Variants in NWD1 observed in about 807,000 individuals in gnomAD.
NWD1 encodes the protein NACHT and WD repeat domain containing 1, also known as NACHT domain- and WD repeat-containing protein 1.
Under a neutral mutation model 135.1 loss-of-function variants are expected in NWD1, and 129 were observed. The observed-to-expected ratio is 0.96, with a 90% CI of 0.83 to 1.11. The LOEUF is 1.11. Ranked by LOEUF, NWD1 falls within the 50% of genes least tolerant of loss-of-function variation. The pLI is 0.00. For synonymous variants in NWD1, 773 were observed against 786.0 expected (o/e 0.98, Z 0.28); for missense variants, 1,740 against 1,851.3 (o/e 0.94, Z 1.10).
At chr19:16,796,901 G>C (rs966868943) in intron 15 of NWD1, among the ~76,000 whole-genome samples, 8 of 152,202 alleles carry the variant, frequency 5.3e-5, no homozygotes, top group African/African-American at 1.7e-4. Context: ...ATTACTGGCT[G>C]GGTACGGTGG....
At chr19:16,761,180 G>T (rs1968996338) in intron 7 of NWD1, among the ~76,000 whole-genome samples, 1 of 152,128 alleles carries the variant, frequency 6.6e-6, no homozygotes, top group Non-Finnish European at 1.5e-5. Context: ...CCACATTGTA[G>T]CAGGGATCAG....
chr19:16,800,470 G>T lies in NWD1; in HGVS notation c.3736+308G>T, dbSNP rs1184298361. On this transcript the variant is annotated intron_variant, in intron 17 of 18. Transcript: ENST00000524140. ...TGTTTGAACCTGGGAGGCGAAGACT[G>T]CAGTGAGCCGGGATCCTGACTCTGC... Among the ~76,000 whole-genome samples, 3 of 152,160 alleles carry T rather than the reference G, an allele frequency of 2.0e-5. No individual in the cohort carries two copies. In the South Asian group the frequency reaches 6.2e-4, roughly 31 times the overall value.
In NWD1 at chr19:16,750,170, G is replaced by A; in HGVS notation, c.1528G>A (p.Ala510Thr). ...GQQMIQLLLA[A>T]ARRTLSPVHT... ...GCAGATGATCCAACTCCTGCTGGCA[G>A]CTGCAAGGAGGACGCTGAGCCCGGT... is the stretch of plus-strand genomic sequence containing the variant. The change falls in exon 6 of 19, where the codon GCT becomes ACT. Residue 510 changes from alanine to threonine, a missense_variant. By Grantham distance (58) the Ala-to-Thr change is moderately conservative (BLOSUM62 0). Transcript: ENST00000524140. 6.2e-7 allele frequency: 1 copy of A among 1,613,660 alleles called. No individual in the cohort carries two copies. The highest frequency in any genetic ancestry group is 1.1e-5 in the South Asian group (1 of 91,046).
At chr19:16,799,384 T>C (rs762791656) in intron 16 of NWD1, among the ~76,000 whole-genome samples, 12 of 151,808 alleles carry the variant, frequency 7.9e-5, no homozygotes, top group Non-Finnish European at 1.0e-4. Flanking sequence ...TTAGTAGAGA[T>C]GGGGTTTCAC....
chr19:16,767,982 C>CTTTTT (rs963453075), intron 10 of NWD1, among the ~76,000 whole-genome samples: 75 of 83,608 alleles, frequency 9.0e-4, no homozygotes, highest in Non-Finnish European at 9.8e-4. Flanking sequence ...AATTTCCTTC[C>CTTTTT]TTTTTTTTTT....
chr19:16,775,172 C>T (rs878919294), intron 11 of NWD1, among the ~76,000 whole-genome samples: 1 of 152,044 alleles, frequency 6.6e-6, no homozygotes, highest in Admixed American at 6.6e-5. Flanking sequence ...TGCTAAGAGA[C>T]ACTAAGTACA....
intron 13 of NWD1, among the ~76,000 whole-genome samples, chr19:16,790,998 G>C (rs1314300669): frequency 6.6e-6 from 1 of 152,118 alleles, no homozygotes. Flanking sequence ...TTGAGAGGCT[G>C]AGCAGGGAGG....
At chr19:16,733,917 G>T (rs1249993757) in intron 3 of NWD1, among the ~76,000 whole-genome samples, 1 of 151,674 alleles carries the variant, frequency 6.6e-6, no homozygotes, top group Non-Finnish European at 1.5e-5. Context: ...ATTGAGTACT[G>T]CTGGCCTCTC....
intron 8 of NWD1, 75 bp from the exon 9 acceptor site, chr19:16,763,753 T>C: frequency 1.1e-6 from 1 of 914,656 alleles, no homozygotes; most frequent in Non-Finnish European, 1.8e-6. Flanking sequence ...GAGCATGAGG[T>C]GAATGAATGG....
intron 8 of NWD1, among the ~76,000 whole-genome samples, chr19:16,762,888 G>C (rs939477815): frequency 6.6e-6 from 1 of 151,598 alleles, no homozygotes; most frequent in Non-Finnish European, 1.5e-5. Flanking sequence ...AGGTTCAAGC[G>C]ATTCTCCCAC....
chr19:16,816,261 C>T lies in NWD1; in HGVS notation c.*1222C>T, dbSNP rs1352038585. On this transcript the variant is annotated 3_prime_UTR_variant, in exon 19 of 19. Transcript: ENST00000524140. ...AACAAGCCCACTGCTGTCAGTGCTT[C>T]CAGTTGTAATAAGCAAAGCCAGAAA... is the stretch of plus-strand genomic sequence containing the variant. 6.6e-6 allele frequency: 1 copy of T among 152,190 alleles called. No homozygotes were observed. Among genetic ancestry groups the T allele is most frequent in the Non-Finnish European group, 1.5e-5 (1 of 68,048 alleles). 9.4% of individuals were successfully genotyped at this position (152,190 alleles called of 1,614,324 possible).
intron 12 of NWD1, among the ~76,000 whole-genome samples, chr19:16,784,743 A>T (rs1050004098): frequency 6.6e-6 from 1 of 152,020 alleles, no homozygotes; most frequent in African/African-American, 2.4e-5. Flanking sequence ...ATCCTGGCCA[A>T]CATGGTGAAC....
At chr19:16,802,572 A>C (rs528450272) in intron 17 of NWD1, among the ~76,000 whole-genome samples, 50 of 152,154 alleles carry the variant, frequency 3.3e-4, no homozygotes, top group East Asian at 1.2e-3. Context: ...TATTAAGAAG[A>C]AGCAGCCTGG....
chr19:16,753,721 A>G (rs1304658148), intron 6 of NWD1, among the ~76,000 whole-genome samples: 3 of 152,190 alleles, frequency 2.0e-5, no homozygotes, highest in Non-Finnish European at 2.9e-5. Flanking sequence ...AGAATGATCC[A>G]GCCCCAGATG....
At chr19:16,780,329 A>G (rs1403646818) in intron 12 of NWD1, among the ~76,000 whole-genome samples, 4 of 151,498 alleles carry the variant, frequency 2.6e-5, no homozygotes, top group Non-Finnish European at 4.4e-5. Context: ...CTAATTTTTT[A>G]TATTTTTTAG....
chr19:16,736,209 T>TTCCTTCCTTCC (rs1967806505), intron 3 of NWD1, among the ~76,000 whole-genome samples: 4 of 117,136 alleles, frequency 3.4e-5, no homozygotes, highest in African/African-American at 7.1e-5. Flanking sequence ...TCCTTCCTTC[T>TTCCTTCCTTCC]TTCCTTCCTT....
At chr19:16,810,927 G>A (rs1970906272) in intron 18 of NWD1, among the ~76,000 whole-genome samples, 1 of 152,170 alleles carries the variant, frequency 6.6e-6, no homozygotes, top group Non-Finnish European at 1.5e-5. Flanking sequence ...GTGCAGTGGT[G>A]CAATCATAGT....
In NWD1 at chr19:16,750,399, T is replaced by C. The variant is rs1968529082; in HGVS notation, c.1757T>C (p.Ile586Thr). Residue 586 changes from isoleucine (I) to threonine (T), a missense_variant, in exon 6 of 19, where the codon ATT (isoleucine) becomes ACT (threonine). By Grantham distance (89) the Ile-to-Thr change is moderately conservative (BLOSUM62 -1). Coordinates refer to ENST00000524140, the MANE Select transcript of NWD1 (RefSeq NM_001007525.5). ...QLLVAHVLGYIVSSRHGLSEA... is the reference protein window; with the variant it reads ...QLLVAHVLGYTVSSRHGLSEA... The stretch of plus-strand genomic sequence containing the variant: ...CTCGTGGCCCACGTGCTGGGCTACA[T>C]TGTGTCTTCCCGGTAAGTCTCTGTG... 4 of 1,564,870 alleles carry C rather than the reference T, an allele frequency of 2.6e-6. No homozygotes were observed. The highest frequency in any genetic ancestry group is 2.8e-5 in the African/African-American group (2 of 72,666).
At chr19:16,807,512 A>G (rs141852361) in intron 17 of NWD1, 74 bp from the exon 18 acceptor site, 18,743 of 1,310,740 alleles carry the variant, frequency 0.014, 215 homozygotes, top group Non-Finnish European at 0.016. Flanking sequence ...ACAAAACAAA[A>G]AAAACCACCA....
Sources: allele counts gnomAD v4.1 joint callset (sites outside exome capture counted in the v4.1 genomes callset), GRCh38; gene constraint gnomAD v4.1.1; transcripts MANE v1.5; gene names NCBI Gene and HGNC (gene_info 2026-07-23, HGNC 2026-07-21).